The following TENM1 variants were observed in gnomAD, a reference collection of about 807,000 sequenced individuals.
The protein encoded by TENM1 is teneurin transmembrane protein 1, also known as teneurin-1.
Under a neutral mutation model 174.8 loss-of-function variants are expected in TENM1, and 35 were observed. The observed-to-expected ratio is 0.20, with a 90% confidence interval of 0.15 to 0.27. TENM1 has a LOEUF of 0.27. Among genes scored for constraint, TENM1 ranks in the 10% least tolerant of loss-of-function variants. The pLI is 1.00. For missense variants in TENM1, 1,633 were observed against 2,130.1 expected, an observed-to-expected ratio of 0.77 and a Z score of 4.59; for synonymous variants, 781 against 798.7, an observed-to-expected ratio of 0.98 and a Z score of 0.37.
the TENM1 span, among the ~76,000 whole-genome samples, chrX:125,070,554 T>C: frequency 2.7e-5 from 3 of 111,620 alleles, no homozygotes; most frequent in African/African-American, 9.7e-5. Flanking sequence ...AGTTTACTTG[T>C]TAAGGTTCAG....
At chrX:124,423,291 T>C (rs867264806) in intron 23 of TENM1, among the ~76,000 whole-genome samples, 1 of 112,264 alleles carries the variant, frequency 8.9e-6, no homozygotes, top group Non-Finnish European at 1.9e-5. Context: ...TGTAGCACAC[T>C]GCTTACTTAG....
chrX:125,156,474 G>A, the TENM1 span, among the ~76,000 whole-genome samples: 12 of 112,026 alleles, frequency 1.1e-4, no homozygotes, highest in East Asian at 2.3e-3. Flanking sequence ...TGTATTCAGC[G>A]TTTAGCTTTA....
intron 4 of TENM1, among the ~76,000 whole-genome samples, chrX:124,736,631 C>T (rs2053676952): frequency 8.9e-6 from 1 of 111,875 alleles, no homozygotes; most frequent in Non-Finnish European, 1.9e-5. Context: ...TTGCCTTTCA[C>T]TTTGAGGCTG....
chrX:125,064,053 C>T, the TENM1 span, among the ~76,000 whole-genome samples: 6 of 109,242 alleles, frequency 5.5e-5, no homozygotes, highest in South Asian at 4.0e-4. Flanking sequence ...AGCAAACTAT[C>T]GCAAGGACAA....
chrX:124,435,966 G>A (rs936196382), intron 23 of TENM1, among the ~76,000 whole-genome samples: 5 of 111,570 alleles, frequency 4.5e-5, no homozygotes, highest in South Asian at 3.8e-4. Context: ...AAAAGGGGAG[G>A]CAAAATCACC....
the TENM1 span, among the ~76,000 whole-genome samples, chrX:125,007,533 A>T: frequency 9.0e-6 from 1 of 111,257 alleles, no homozygotes; most frequent in African/African-American, 3.3e-5. Context: ...AATACAGAGA[A>T]CACCACTAAG....
intron 1 of TENM1, among the ~76,000 whole-genome samples, chrX:124,914,063 T>C (rs987421086): frequency 8.9e-6 from 1 of 111,813 alleles, no homozygotes; most frequent in African/African-American, 3.2e-5. Context: ...TAGTAAGAGG[T>C]GAAGTCAAAA....
the TENM1 span, among the ~76,000 whole-genome samples, chrX:125,072,089 C>T: frequency 9.0e-6 from 1 of 110,803 alleles, no homozygotes; most frequent in South Asian, 3.8e-4. Context: ...ACTAAAATAT[C>T]GGGTTTCCTT....
chrX:125,202,132 G>A, the TENM1 span, among the ~76,000 whole-genome samples: 1 of 111,336 alleles, frequency 9.0e-6, no homozygotes, highest in African/African-American at 3.3e-5. Context: ...AGAAGACTTC[G>A]GACTAGGAAG....
intron 22 of TENM1, among the ~76,000 whole-genome samples, chrX:124,453,977 C>T (rs778067273): frequency 6.4e-4 from 71 of 111,136 alleles, no homozygotes; most frequent in African/African-American, 8.5e-4. Context: ...TTTGATGAAC[C>T]GGGCTGAGTT....
At chrX:124,647,264 C>T (rs1189335574) in intron 8 of TENM1, among the ~76,000 whole-genome samples, 3 of 111,805 alleles carry the variant, frequency 2.7e-5, no homozygotes, top group African/African-American at 9.7e-5. Flanking sequence ...AATCTACTAT[C>T]TTGACAGCTT....
the TENM1 span, among the ~76,000 whole-genome samples, chrX:125,099,021 G>A: frequency 8.9e-6 from 1 of 112,033 alleles, no homozygotes; most frequent in African/African-American, 3.2e-5. Context: ...GGACATAAAC[G>A]TTTATTTCAG....
At chrX:124,684,106 A>G (rs1187697542) in intron 5 of TENM1, among the ~76,000 whole-genome samples, 1 of 112,350 alleles carries the variant, frequency 8.9e-6, no homozygotes, top group Non-Finnish European at 1.9e-5. Flanking sequence ...CAAAAAAGAA[A>G]TGGAAATTAA....
intron 3 of TENM1, among the ~76,000 whole-genome samples, chrX:124,860,992 G>C (rs1289661925): frequency 2.7e-5 from 3 of 111,551 alleles, no homozygotes; most frequent in Non-Finnish European, 5.7e-5. Flanking sequence ...AAAAATGACA[G>C]TATTAGTTTG....
chrX:125,105,647 T>A, the TENM1 span, among the ~76,000 whole-genome samples: 1 of 111,202 alleles, frequency 9.0e-6, no homozygotes, highest in Non-Finnish European at 1.9e-5. Flanking sequence ...AATAAGGAAG[T>A]CTCCCTCAGA....
chrX:125,113,910 C>G, the TENM1 span, among the ~76,000 whole-genome samples: 1 of 111,050 alleles, frequency 9.0e-6, no homozygotes, highest in African/African-American at 3.3e-5. Flanking sequence ...ACCAAGCAGA[C>G]CTAATAGACA....
At chrX:125,090,466 C>T in the TENM1 span, among the ~76,000 whole-genome samples, 1 of 98,882 alleles carries the variant, frequency 1.0e-5, no homozygotes, top group South Asian at 4.9e-4. Context: ...GGAAACATGC[C>T]AAAACCCTGG....
chrX:124,527,393 T>C (rs1011977042), intron 16 of TENM1, among the ~76,000 whole-genome samples: 1 of 111,584 alleles, frequency 9.0e-6, no homozygotes, highest in Non-Finnish European at 1.9e-5. Flanking sequence ...TTGCAAGTAG[T>C]TGATAATGGG....
chrX:124,733,638 G>C (rs1228993922), intron 4 of TENM1, among the ~76,000 whole-genome samples: 2 of 112,090 alleles, frequency 1.8e-5, no homozygotes, highest in African/African-American at 3.2e-5. Context: ...TTTGAACAAT[G>C]CTAGTTGATA....
Sources: gnomAD v4.1 joint callset for allele counts (sites outside exome capture counted in the v4.1 genomes callset) on GRCh38, gnomAD v4.1.1 for gene constraint, MANE v1.5 for transcripts, NCBI Gene and HGNC (gene_info 2026-07-23, HGNC 2026-07-21) for gene names.